FRAS1: variants seen among roughly 807,000 people sequenced by gnomAD.
FRAS1 encodes the protein Fraser extracellular matrix complex subunit 1, also known as extracellular matrix organizing protein FRAS1.
In FRAS1, 290 loss-of-function variants were observed where a neutral mutation model predicts 435.2. That is an observed-to-expected ratio of 0.67 (90% CI 0.61 to 0.73). The LOEUF (loss-of-function observed/expected upper bound fraction) is 0.73. FRAS1 is among the 30% of genes least tolerant of loss of function. The pLI, the probability that FRAS1 is intolerant of heterozygous loss-of-function variation, is 0.00. For missense variants in FRAS1, 4,860 were observed against 5,001.5 expected (o/e 0.97, Z 0.85); for synonymous variants, 1,800 against 1,851.0 (o/e 0.97, Z 0.71).
At chr4:78,364,171 A>G in intron 22 of FRAS1, 117 bp downstream of exon 22, 1 of 1,200,614 alleles carries the variant, frequency 8.3e-7, no homozygotes, top group Non-Finnish European at 1.1e-6. Context: ...TTATTTTTAT[A>G]AAAGGAAGAA....
intron 63 of FRAS1, among the ~76,000 whole-genome samples, chr4:78,511,061 A>C (rs1721018600): frequency 6.6e-6 from 1 of 152,200 alleles, no homozygotes; most frequent in African/African-American, 2.4e-5. Flanking sequence ...CTTGTTGACT[A>C]TCTTACCCCC....
chr4:78,542,775 G>A lies in FRAS1; in HGVS notation c.*1651G>A, dbSNP rs982787317. 1.2e-4 allele frequency: 19 copies of A among 152,640 alleles called. No individual in the cohort carries two copies. Among genetic ancestry groups the A allele is most frequent in the African/African-American group, 4.6e-4 (19 of 41,554 alleles). The allele number at this position is 152,640 out of a possible 1,614,324, so 9.5% of individuals were successfully genotyped here. On this transcript the variant is annotated 3_prime_UTR_variant, in exon 74 of 74. Transcript: ENST00000512123. ...TGTTGAATGAATGAATGGTGTCATGGGTGAATGATGGGGAGTAAATTTAGG... is the reference window on the plus strand; with the variant it reads ...TGTTGAATGAATGAATGGTGTCATGAGTGAATGATGGGGAGTAAATTTAGG...
chr4:78,463,798 G>A (rs538252400), intron 47 of FRAS1, among the ~76,000 whole-genome samples: 1 of 152,292 alleles, frequency 6.6e-6, no homozygotes, highest in Admixed American at 6.5e-5. Flanking sequence ...TTGGCTTTGC[G>A]CATAGAAGCC....
chr4:78,505,987 C>A (rs1263314221), intron 61 of FRAS1, among the ~76,000 whole-genome samples: 3 of 152,214 alleles, frequency 2.0e-5, no homozygotes, highest in Non-Finnish European at 4.4e-5. Flanking sequence ...ATAGTCAGAT[C>A]CCTCAGCTGC....
intron 33 of FRAS1, 29 bp from the exon 34 acceptor site, chr4:78,421,834 G>A (rs1362426573): frequency 6.2e-7 from 1 of 1,612,862 alleles, no homozygotes; most frequent in Non-Finnish European, 8.5e-7. Context: ...AATTACTGTT[G>A]ATGCTGAGGC....
intron 13 of FRAS1, among the ~76,000 whole-genome samples, chr4:78,285,388 G>T (rs904177573): frequency 6.6e-6 from 1 of 150,990 alleles, no homozygotes; most frequent in African/African-American, 2.4e-5. Flanking sequence ...AAGTGTGTAG[G>T]TTCATACCTG....
At chr4:78,120,287 T>C (rs1718935221) in intron 2 of FRAS1, among the ~76,000 whole-genome samples, 1 of 152,226 alleles carries the variant, frequency 6.6e-6, no homozygotes, top group Non-Finnish European at 1.5e-5. Flanking sequence ...TCCAGAATCG[T>C]GGCAGCAGGG....
chr4:78,522,849 G>T, intron 69 of FRAS1, 41 bp downstream of exon 69: 3 of 1,507,494 alleles, frequency 2.0e-6, no homozygotes, highest in African/African-American at 1.4e-5. Context: ...AGAGCTGAAT[G>T]GTTTTCCATT....
intron 2 of FRAS1, among the ~76,000 whole-genome samples, chr4:78,190,944 G>A (rs1722505642): frequency 1.3e-5 from 2 of 152,172 alleles, no homozygotes; most frequent in Admixed American, 6.5e-5. Flanking sequence ...ATAAGAGTGG[G>A]ATCTTGATCC....
At chr4:78,126,202 C>T (rs897407012) in intron 2 of FRAS1, among the ~76,000 whole-genome samples, 53 of 152,164 alleles carry the variant, frequency 3.5e-4, no homozygotes, top group African/African-American at 1.1e-3. Flanking sequence ...TGGGACCCAC[C>T]GAGCCAGGCA....
intron 69 of FRAS1, 45 bp from the exon 70 acceptor site, chr4:78,526,496 T>G (rs963653543): frequency 5.4e-6 from 7 of 1,299,870 alleles, no homozygotes; most frequent in Admixed American, 2.1e-5. Context: ...GCCAGCAACC[T>G]ATCAGTTGTT....
intron 2 of FRAS1, among the ~76,000 whole-genome samples, chr4:78,215,252 A>G (rs1260597651): frequency 6.6e-6 from 1 of 151,902 alleles, no homozygotes; most frequent in Non-Finnish European, 1.5e-5. Context: ...CTGGAGTGCA[A>G]TGGTGTGATC....
chr4:78,165,430 C>T (rs1327531703), intron 2 of FRAS1, among the ~76,000 whole-genome samples: 1 of 152,162 alleles, frequency 6.6e-6, no homozygotes, highest in African/African-American at 2.4e-5. Flanking sequence ...AATTAGAAGA[C>T]TTGAGTTTGA....
intron 38 of FRAS1, among the ~76,000 whole-genome samples, chr4:78,437,688 T>C (rs1734485071): frequency 1.3e-5 from 2 of 152,342 alleles, no homozygotes; most frequent in South Asian, 4.1e-4. Context: ...AATTTGCTTT[T>C]GAAAGTACAA....
chr4:78,092,219 A>G (rs1328266929), intron 2 of FRAS1, among the ~76,000 whole-genome samples: 1 of 152,078 alleles, frequency 6.6e-6, no homozygotes, highest in African/African-American at 2.4e-5. Context: ...TCTGTGTGTT[A>G]TTTAAGCTAC....
intron 2 of FRAS1, chr4:78,181,779 C>T: frequency 6.2e-7 from 1 of 1,610,880 alleles, no homozygotes; most frequent in Non-Finnish European, 8.5e-7. Flanking sequence ...TCTTTCTTGT[C>T]AACCACGCCA....
chr4:78,404,907 G>A (rs1733041881), intron 30 of FRAS1, among the ~76,000 whole-genome samples: 1 of 152,132 alleles, frequency 6.6e-6, no homozygotes. Flanking sequence ...CACATGTTGT[G>A]TATTCTAAAT....
At chr4:78,413,981 A>G (rs1034979792) in intron 32 of FRAS1, among the ~76,000 whole-genome samples, 1 of 152,160 alleles carries the variant, frequency 6.6e-6, no homozygotes, top group Admixed American at 6.5e-5. Context: ...ATGGGTCCAC[A>G]TTTTAGTTAG....
intron 70 of FRAS1, among the ~76,000 whole-genome samples, chr4:78,531,391 T>A (rs564300936): frequency 6.6e-6 from 1 of 152,152 alleles, no homozygotes; most frequent in Admixed American, 6.5e-5. Context: ...ATAGGAGTGG[T>A]GAGAGAGGGC....
Sources: allele counts gnomAD v4.1 joint callset (sites outside exome capture counted in the v4.1 genomes callset), GRCh38; gene constraint gnomAD v4.1.1; transcripts MANE v1.5; gene names NCBI Gene and HGNC (gene_info 2026-07-23, HGNC 2026-07-21).